The following CDH11 variants were observed in gnomAD, a reference collection of about 807,000 sequenced individuals.
CDH11 encodes cadherin-11.
Under a neutral mutation model 67.8 loss-of-function variants are expected in CDH11, and 11 were observed. The ratio of observed to expected loss-of-function variants is 0.16; its 90% CI spans 0.10 to 0.27. CDH11 has a LOEUF of 0.27. Ranked by LOEUF, CDH11 falls within the 10% of genes least tolerant of loss-of-function variation. CDH11 has a pLI of 1.00. For synonymous variants in CDH11, 419 were observed against 400.0 expected (o/e 1.05, Z -0.57); for missense variants, 847 against 1,031.2 (o/e 0.82, Z 2.45).
At chr16:64,981,769 GA>G (rs2072356131) in intron 8 of CDH11, 1 of 327,338 alleles carries the variant, frequency 3.1e-6, no homozygotes. Context: ...ACAGTCCCCT[GA>G]GGCAGACAGG....
At chr16:65,033,468 C>T (rs1191729400) in intron 2 of CDH11, among the ~76,000 whole-genome samples, 1 of 152,030 alleles carries the variant, frequency 6.6e-6, no homozygotes, top group African/African-American at 2.4e-5. Context: ...TGGTCGGGTG[C>T]GGTGGCTCAA....
At chr16:65,033,136 C>T (rs895088575) in intron 2 of CDH11, among the ~76,000 whole-genome samples, 4 of 151,966 alleles carry the variant, frequency 2.6e-5, no homozygotes, top group African/African-American at 9.7e-5. Context: ...ACAGGGTAAT[C>T]GTTCTTCCAT....
chr16:64,997,157 G>A (rs183893192), intron 4 of CDH11, among the ~76,000 whole-genome samples: 34 of 151,716 alleles, frequency 2.2e-4, no homozygotes, highest in African/African-American at 1.2e-4. Context: ...GAAATTAGCC[G>A]GGCGTGGTGG....
At chr16:65,078,079 A>AT (rs1273484490) in intron 1 of CDH11, among the ~76,000 whole-genome samples, 1 of 152,226 alleles carries the variant, frequency 6.6e-6, no homozygotes, top group Non-Finnish European at 1.5e-5. Flanking sequence ...GCCAAGGTAC[A>AT]TTGCCACTGA....
At chr16:65,022,483 C>T (rs1398069869) in intron 2 of CDH11, among the ~76,000 whole-genome samples, 3 of 152,200 alleles carry the variant, frequency 2.0e-5, no homozygotes, top group African/African-American at 7.2e-5. Flanking sequence ...CCATTGTCCT[C>T]ACGTTTAACA....
intron 11 of CDH11, among the ~76,000 whole-genome samples, chr16:64,966,635 A>T (rs1437055324): frequency 6.6e-6 from 1 of 152,062 alleles, no homozygotes; most frequent in African/African-American, 2.4e-5. Flanking sequence ...TAATATTTTT[A>T]AAATGCCCAA....
intron 1 of CDH11, among the ~76,000 whole-genome samples, chr16:65,086,043 T>G (rs2142816231): frequency 6.6e-6 from 1 of 152,370 alleles, no homozygotes; most frequent in Non-Finnish European, 1.5e-5. Flanking sequence ...TTGATGCTGC[T>G]TTTAAGAGTC....
At chr16:65,032,043 C>G (rs752505459) in intron 2 of CDH11, among the ~76,000 whole-genome samples, 1 of 152,112 alleles carries the variant, frequency 6.6e-6, no homozygotes. Flanking sequence ...TCTGTCCCAT[C>G]ATCGAGAGTG....
intron 2 of CDH11, among the ~76,000 whole-genome samples, chr16:65,044,504 G>A (rs553033617): frequency 1.3e-5 from 2 of 152,000 alleles, no homozygotes; most frequent in South Asian, 2.1e-4. Flanking sequence ...ATGTACCCAG[G>A]ACCCGTGGAA....
intron 1 of CDH11, among the ~76,000 whole-genome samples, chr16:65,097,459 G>A (rs1411070314): frequency 6.6e-6 from 1 of 152,174 alleles, no homozygotes; most frequent in East Asian, 1.9e-4. Context: ...GGCACTTTGG[G>A]TCGGATGACT....
At chr16:65,074,472 G>C (rs1423660329) in intron 1 of CDH11, among the ~76,000 whole-genome samples, 2 of 152,168 alleles carry the variant, frequency 1.3e-5, no homozygotes, top group East Asian at 1.9e-4. Context: ...AGTAGTGCCT[G>C]CCTTATAGGA....
At chr16:64,969,215 G>C (rs1168495388) in intron 11 of CDH11, among the ~76,000 whole-genome samples, 1 of 152,136 alleles carries the variant, frequency 6.6e-6, no homozygotes, top group African/African-American at 2.4e-5. Flanking sequence ...ATGTGTCTTA[G>C]TATAATGTTT....
chr16:65,123,510 G>T (rs1280746746), upstream of CDH11, among the ~76,000 whole-genome samples: 4 of 151,954 alleles, frequency 2.6e-5, no homozygotes, highest in African/African-American at 7.2e-5. Context: ...AGCGCATGGG[G>T]AAGGAACCCC....
chr16:65,034,969 G>A (rs2073722582), intron 2 of CDH11, among the ~76,000 whole-genome samples: 1 of 152,218 alleles, frequency 6.6e-6, no homozygotes, highest in Non-Finnish European at 1.5e-5. Flanking sequence ...GAGTTATCAA[G>A]AGGAGGCTTT....
chr16:64,956,708 G>C (rs1462667940), intron 11 of CDH11, among the ~76,000 whole-genome samples: 2 of 152,092 alleles, frequency 1.3e-5, no homozygotes, highest in South Asian at 2.1e-4. Context: ...ACAAATTCAG[G>C]CTTCTAAGTT....
chr16:65,051,157 T>C (rs1298890605), intron 2 of CDH11, among the ~76,000 whole-genome samples: 2 of 152,164 alleles, frequency 1.3e-5, no homozygotes, highest in Non-Finnish European at 2.9e-5. Context: ...ATTTTGCTTC[T>C]AGGATAAGCG....
At chr16:65,114,295 A>C (rs2075206029) in intron 1 of CDH11, among the ~76,000 whole-genome samples, 1 of 152,124 alleles carries the variant, frequency 6.6e-6, no homozygotes, top group Non-Finnish European at 1.5e-5. Context: ...GGAGCTGAGG[A>C]TTGAGCAGTC....
intron 3 of CDH11, among the ~76,000 whole-genome samples, chr16:65,002,177 T>C (rs1400875545): frequency 3.3e-5 from 5 of 152,230 alleles, no homozygotes; most frequent in Non-Finnish European, 7.3e-5. Flanking sequence ...CTCATGTACC[T>C]AGCTTTTGAA....
At chr16:65,107,649 G>A (rs1239510074) in intron 1 of CDH11, among the ~76,000 whole-genome samples, 2 of 152,192 alleles carry the variant, frequency 1.3e-5, no homozygotes, top group African/African-American at 4.8e-5. Flanking sequence ...ATCCCATAAA[G>A]GGTTTCAGAA....
Sources: allele counts gnomAD v4.1 joint callset (sites outside exome capture counted in the v4.1 genomes callset), GRCh38; gene constraint gnomAD v4.1.1; transcripts MANE v1.5; gene names NCBI Gene and HGNC (gene_info 2026-07-23, HGNC 2026-07-21).